Variants in RBFOX1 observed in about 807,000 individuals in gnomAD.
RBFOX1 encodes the protein RNA binding protein fox-1 homolog 1.
Under a neutral mutation model 57.7 loss-of-function variants are expected in RBFOX1, and 8 were observed. That is an observed-to-expected ratio of 0.14 (90% confidence interval 0.08 to 0.25). RBFOX1 has a LOEUF of 0.25. Among genes scored for constraint, RBFOX1 ranks in the 10% least tolerant of loss-of-function variants. The probability of loss-of-function intolerance (pLI) is 1.00; values close to 1 mark genes in which losing one functional copy is unlikely to be tolerated. For missense variants in RBFOX1, 611 were observed against 548.5 expected (o/e 1.11, Z -1.14); for synonymous variants, 326 against 222.4 (o/e 1.47, Z -4.15).
At chr16:5,903,413 G>A (rs2058359452) in intron 4 of RBFOX1, among the ~76,000 whole-genome samples, 1 of 152,080 alleles carries the variant, frequency 6.6e-6, no homozygotes, top group African/African-American at 2.4e-5. Flanking sequence ...ACACAAAGCG[G>A]CTGGGCAGAT....
At chr16:5,905,190 C>A (rs1184524400) in intron 4 of RBFOX1, among the ~76,000 whole-genome samples, 1 of 150,284 alleles carries the variant, frequency 6.7e-6, no homozygotes, top group African/African-American at 2.4e-5. Context: ...GCCTCAGCCT[C>A]ACGAGTAGCT....
In RBFOX1 at chr16:5,440,266, A is replaced by G. The variant is rs118091081; in HGVS notation, c.220-26950A>G. Among the ~76,000 whole-genome samples the G allele has an allele frequency of 1.3e-3, 198 of 152,360 alleles. 1 individual carries two copies. In the East Asian group the frequency reaches 0.032, roughly 25 times the overall value. On this transcript the variant is annotated intron_variant, in intron 1 of 2. Coordinates refer to the RBFOX1 transcript ENST00000585867. ...TGGTTCTTTAGATATCGTTCCAGGT[A>G]CAAAATCTCCTTCCAATTATATATT...
rs542398562 is a variant in RBFOX1 at position 6,887,433 on chromosome 16, C to T, written c.-15-164624C>T. Among the ~76,000 whole-genome samples, 4 of 152,230 alleles carry T rather than the reference C, an allele frequency of 2.6e-5. 1 individual carries two copies. In the South Asian group the frequency reaches 8.3e-4, roughly 32 times the overall value. On this transcript the variant is annotated intron_variant, in intron 3 of 15. Coordinates refer to ENST00000550418, the MANE Select transcript of RBFOX1 (RefSeq NM_018723.4). Reference sequence around the variant, plus strand: ...ATATGGTTGTATCATCTGTGGGCTCCATGAAAACTAATGATCATTTTCTAA... The same window carrying T: ...ATATGGTTGTATCATCTGTGGGCTCTATGAAAACTAATGATCATTTTCTAA...
At chr16:6,354,568 C>G (rs1333322571) in intron 2 of RBFOX1, among the ~76,000 whole-genome samples, 1 of 152,156 alleles carries the variant, frequency 6.6e-6, no homozygotes, top group African/African-American at 2.4e-5. Flanking sequence ...ATCTCGCAGG[C>G]CCCTGCCCTC....
intron 4 of RBFOX1, among the ~76,000 whole-genome samples, chr16:7,434,702 A>G (rs2098708395): frequency 6.6e-6 from 1 of 151,678 alleles, no homozygotes; most frequent in Non-Finnish European, 1.5e-5. Flanking sequence ...GAGAGTTCCC[A>G]TCTACCCAGC....
At chr16:7,385,400 G>C (rs927920914) in intron 4 of RBFOX1, among the ~76,000 whole-genome samples, 1 of 152,178 alleles carries the variant, frequency 6.6e-6, no homozygotes, top group Non-Finnish European at 1.5e-5. Context: ...AGGCAGATCT[G>C]GGAAAACCCA....
In RBFOX1 at chr16:7,298,387, C is replaced by G. The variant is rs150608606; in HGVS notation, c.28-219760C>G. On this transcript the variant is annotated intron_variant, in intron 4 of 15. Coordinates refer to ENST00000550418, the MANE Select transcript of RBFOX1 (RefSeq NM_018723.4). ...TACCGCAGCCTCCGCCTCCTGGGTT[C>G]AAGTGATTCTCATGCGTCTGCCTCC... 1.5e-3 allele frequency among the ~76,000 whole-genome samples: 224 copies of G among 144,914 alleles called. 3 individuals carry two copies. The highest frequency in any genetic ancestry group is 5.8e-3 in the African/African-American group (223 of 38,640).
chr16:5,924,874 C>G (rs1416505653), intron 4 of RBFOX1, among the ~76,000 whole-genome samples: 1 of 152,162 alleles, frequency 6.6e-6, no homozygotes, highest in East Asian at 1.9e-4. Context: ...GGAGTAAAGT[C>G]TAACTGTATC....
intron 4 of RBFOX1, among the ~76,000 whole-genome samples, chr16:5,925,132 G>A (rs1248396647): frequency 6.6e-6 from 1 of 152,098 alleles, no homozygotes; most frequent in Admixed American, 6.5e-5. Context: ...CTCAGATCCC[G>A]ATGCCTCTGC....
intron 3 of RBFOX1, among the ~76,000 whole-genome samples, chr16:6,949,370 A>T (rs372947932): frequency 6.6e-6 from 1 of 152,122 alleles, no homozygotes; most frequent in Non-Finnish European, 1.5e-5. Flanking sequence ...GGCCTTGCTG[A>T]TGGGTTTTAC....
intron 1 of RBFOX1, among the ~76,000 whole-genome samples, chr16:6,142,423 A>G (rs537511367): frequency 6.3e-4 from 95 of 151,922 alleles, no homozygotes; most frequent in South Asian, 3.7e-3. Flanking sequence ...GGGTTTCACC[A>G]TGTTAGCCAG....
intron 1 of RBFOX1, among the ~76,000 whole-genome samples, chr16:6,293,288 C>G (rs112231823): frequency 4.7e-4 from 72 of 152,170 alleles, no homozygotes; most frequent in African/African-American, 1.7e-3. Context: ...ACTCTGGCTT[C>G]AAAGTCTGCC....
intron 2 of RBFOX1, among the ~76,000 whole-genome samples, chr16:6,601,690 T>C (rs993828913): frequency 2.0e-5 from 3 of 152,124 alleles, no homozygotes; most frequent in African/African-American, 4.8e-5. Context: ...GTCAGATCTG[T>C]AGGAGAGGCT....
intron 3 of RBFOX1, among the ~76,000 whole-genome samples, chr16:5,778,345 C>G (rs948658264): frequency 4.6e-5 from 7 of 152,176 alleles, no homozygotes; most frequent in Non-Finnish European, 1.5e-5. Flanking sequence ...TCTTGCAAGA[C>G]AGGACCCCCG....
intron 3 of RBFOX1, among the ~76,000 whole-genome samples, chr16:5,803,723 A>G (rs1416442290): frequency 6.6e-6 from 1 of 152,182 alleles, no homozygotes; most frequent in Non-Finnish European, 1.5e-5. Context: ...TGGGTATATC[A>G]GAGTGAATAG....
rs190503273 is a variant in RBFOX1 at position 6,133,497 on chromosome 16, G to A, written c.-127+113505G>A. Among the ~76,000 whole-genome samples, 40 of 152,268 alleles carry A rather than the reference G, an allele frequency of 2.6e-4. No individual in the cohort carries two copies. In the East Asian group the frequency reaches 6.2e-3, roughly 24 times the overall value. On this transcript the variant is annotated intron_variant, in intron 1 of 15. Transcript: ENST00000550418. The stretch of plus-strand genomic sequence containing the variant: ...GTGCACCACCCTGATTTAAGTTAGT[G>A]TCAGTCAACCCTGCCTTGATTCCTG...
At chr16:6,746,182 T>C (rs2073576069) in intron 3 of RBFOX1, among the ~76,000 whole-genome samples, 1 of 151,986 alleles carries the variant, frequency 6.6e-6, no homozygotes, top group South Asian at 2.1e-4. Flanking sequence ...CTTATCTTAG[T>C]CTCCCCTAAT....
At chr16:6,620,540 A>G (rs1002467640) in intron 2 of RBFOX1, among the ~76,000 whole-genome samples, 1 of 152,208 alleles carries the variant, frequency 6.6e-6, no homozygotes, top group African/African-American at 2.4e-5. Flanking sequence ...CATTCAAAAG[A>G]TCAATGAATC....
At chr16:6,929,827 A>G (rs1278796560) in intron 3 of RBFOX1, among the ~76,000 whole-genome samples, 1 of 152,162 alleles carries the variant, frequency 6.6e-6, no homozygotes, top group African/African-American at 2.4e-5. Flanking sequence ...GTTTTAATTC[A>G]AATATTAAAA....
Sources: allele counts gnomAD v4.1 joint callset (sites outside exome capture counted in the v4.1 genomes callset), GRCh38; gene constraint gnomAD v4.1.1; transcripts MANE v1.5; gene names NCBI Gene and HGNC (gene_info 2026-07-23, HGNC 2026-07-21).